NHSL1: variants seen among roughly 807,000 people sequenced by gnomAD.
The protein encoded by NHSL1 is NHS like 1.
Under a neutral mutation model 95.0 loss-of-function variants are expected in NHSL1, and 48 were observed. That is an observed-to-expected ratio of 0.51 (90% CI 0.40 to 0.64). NHSL1 has a LOEUF of 0.64. NHSL1 is among the 30% of genes least tolerant of loss of function. The pLI is 0.00. For synonymous variants in NHSL1, 783 were observed against 833.9 expected, an observed-to-expected ratio of 0.94 and a Z score of 1.05; for missense variants, 1,971 against 2,077.7, an observed-to-expected ratio of 0.95 and a Z score of 1.00.
At chr6:138,557,223 T>C (rs563631642) in intron 1 of NHSL1, among the ~76,000 whole-genome samples, 1 of 152,278 alleles carries the variant, frequency 6.6e-6, no homozygotes, top group South Asian at 2.1e-4. Context: ...GTAAAAAACA[T>C]AGTTACATAT....
At chr6:138,636,102 G>A (rs182721074) in intron 1 of NHSL1, among the ~76,000 whole-genome samples, 122 of 142,704 alleles carry the variant, frequency 8.5e-4, no homozygotes, top group Admixed American at 7.3e-4. Flanking sequence ...CAGCCTGGGC[G>A]ACATAGTGAG....
intron 2 of NHSL1, among the ~76,000 whole-genome samples, chr6:138,481,095 T>C (rs1402538485): frequency 1.3e-5 from 2 of 152,176 alleles, no homozygotes; most frequent in Admixed American, 6.5e-5. Context: ...TACATAAGAC[T>C]ATAAACATTC....
At chr6:138,477,244 A>C (rs138479932) in intron 2 of NHSL1, among the ~76,000 whole-genome samples, 2,143 of 152,334 alleles carry the variant, frequency 0.014, 21 homozygotes, top group Middle Eastern at 0.041. Context: ...GCCCTTTTAA[A>C]CTAAATTAAT....
chr6:138,640,483 C>CCCT (rs1382729877), intron 1 of NHSL1, among the ~76,000 whole-genome samples: 2 of 152,064 alleles, frequency 1.3e-5, no homozygotes, highest in South Asian at 2.1e-4. Flanking sequence ...CAAGACCAAT[C>CCCT]CCTCCTCCTC....
At chr6:138,640,545 T>C (rs1784946203) in intron 1 of NHSL1, among the ~76,000 whole-genome samples, 1 of 152,198 alleles carries the variant, frequency 6.6e-6, no homozygotes, top group East Asian at 1.9e-4. Context: ...ATGATCCACT[T>C]CCACTAATGA....
At chr6:138,655,711 T>A (rs555689204) in intron 1 of NHSL1, among the ~76,000 whole-genome samples, 1 of 152,194 alleles carries the variant, frequency 6.6e-6, no homozygotes, top group East Asian at 1.9e-4. Flanking sequence ...CAAAGCCACA[T>A]GAAGTACTAC....
chr6:138,621,138 A>G (rs1273340021), intron 1 of NHSL1, among the ~76,000 whole-genome samples: 1 of 152,200 alleles, frequency 6.6e-6, no homozygotes, highest in Non-Finnish European at 1.5e-5. Flanking sequence ...TATTAACATT[A>G]GTTGAGAAAC....
Position 138,431,761 on chromosome 6 carries a change from G to A in NHSL1, c.2584C>T (p.Leu862Phe). Residue 862 changes from leucine to phenylalanine, a missense_variant, in exon 6 of 8, where the codon CTC becomes TTC. Physicochemically the swap from Leu to Phe is conservative, Grantham distance 22. Around this residue, in one of 3 missense-constraint regions of NHSL1, gnomAD observed 1,602 missense variants for 1,654.5 expected, o/e 0.97. Coordinates refer to ENST00000343505, the MANE Select transcript of NHSL1 (RefSeq NM_001144060.2). The surrounding 1 kb of genome is among the most constrained non-coding windows in gnomAD (Gnocchi z 4.0). ...YSSQSNTPTA[L>F]TPVPVFLKSV... ...TTTAAAAACACAGGCACAGGGGTGA[G>A]TGCTGTGGGTGTATTCGACTGGCTG... 2 of 1,551,722 alleles carry A rather than the reference G, an allele frequency of 1.3e-6. No individual in the cohort carries two copies. The highest frequency in any genetic ancestry group is 2.4e-5 in the South Asian group (2 of 84,068).
chr6:138,673,817 T>C (rs1418979530), intron 1 of NHSL1, among the ~76,000 whole-genome samples: 3 of 152,242 alleles, frequency 2.0e-5, no homozygotes, highest in Non-Finnish European at 4.4e-5. Context: ...ATTAACATGA[T>C]TTAAAAACAT....
At chr6:138,653,929 AC>A (rs756022749) in intron 1 of NHSL1, among the ~76,000 whole-genome samples, 9 of 152,170 alleles carry the variant, frequency 5.9e-5, no homozygotes, top group Non-Finnish European at 1.3e-4. Context: ...GATTTCACCA[AC>A]CCAGTGATGC....
In NHSL1 at chr6:138,424,886, T is replaced by C. The variant is rs748002719; in HGVS notation, c.4086-70A>G. On this transcript the variant is annotated intron_variant, in intron 7 of 7. Coordinates refer to ENST00000343505, the MANE Select transcript of NHSL1 (RefSeq NM_001144060.2). This position sits in a 1 kb window ranked among gnomAD's most constrained non-coding sequence, Gnocchi z 5.9. ...CACAGGCTGTCAGCCACAACCACTC[T>C]GCTCTTATCGCATCTTCAGGTCACC... 17 of 1,270,432 alleles carry C rather than the reference T, an allele frequency of 1.3e-5. No individual in the cohort carries two copies. Among genetic ancestry groups the C allele is most frequent in the Admixed American group, 7.6e-5 (3 of 39,354 alleles). 78.7% of individuals were successfully genotyped at this position (1,270,432 alleles called of 1,614,324 possible).
At chr6:138,467,444 G>A (rs918351931) in intron 3 of NHSL1, among the ~76,000 whole-genome samples, 35 of 152,248 alleles carry the variant, frequency 2.3e-4, no homozygotes, top group African/African-American at 7.5e-4. Context: ...AAGCCACCAC[G>A]CCCGGCCAGT....
chr6:138,524,819 A>C (rs1397436386), intron 1 of NHSL1, among the ~76,000 whole-genome samples: 1 of 152,202 alleles, frequency 6.6e-6, no homozygotes, highest in African/African-American at 2.4e-5. Context: ...TCCCTAGCAA[A>C]TGGGCACACA....
chr6:138,441,305 G>A (rs1776509517), intron 5 of NHSL1, among the ~76,000 whole-genome samples: 1 of 152,146 alleles, frequency 6.6e-6, no homozygotes, highest in Admixed American at 6.5e-5. Context: ...AAAACAGTGA[G>A]AGGAAGTTAA....
At chr6:138,686,647 G>A (rs1023044103) in intron 1 of NHSL1, among the ~76,000 whole-genome samples, 1 of 152,130 alleles carries the variant, frequency 6.6e-6, no homozygotes, top group African/African-American at 2.4e-5. Context: ...CAAGGTCTCT[G>A]TTTACAGATA....
At chr6:138,585,406 T>C (rs1784120220) in intron 1 of NHSL1, among the ~76,000 whole-genome samples, 1 of 152,208 alleles carries the variant, frequency 6.6e-6, no homozygotes, top group African/African-American at 2.4e-5. Context: ...ATATTTTTCT[T>C]CACTAAAGGA....
At chr6:138,588,463 A>C (rs974376520) in intron 1 of NHSL1, among the ~76,000 whole-genome samples, 2 of 152,230 alleles carry the variant, frequency 1.3e-5, no homozygotes, top group African/African-American at 4.8e-5. Flanking sequence ...CTTCGTCTCA[A>C]AAATAATAAT....
chr6:138,509,482 T>C (rs1051964690), intron 1 of NHSL1, among the ~76,000 whole-genome samples: 1 of 152,198 alleles, frequency 6.6e-6, no homozygotes, highest in East Asian at 1.9e-4. Context: ...AAAGGGATTT[T>C]TTAACGTAGA....
chr6:138,434,390 C>G (rs1775928906), intron 5 of NHSL1, among the ~76,000 whole-genome samples: 1 of 147,724 alleles, frequency 6.8e-6, no homozygotes, highest in Middle Eastern at 3.2e-3. Flanking sequence ...AGTTTTACAA[C>G]CAAACAGAGA....
Sources: allele counts gnomAD v4.1 joint callset (sites outside exome capture counted in the v4.1 genomes callset), GRCh38; gene constraint gnomAD v4.1.1; regional missense constraint gnomAD v4.1.1; non-coding constraint Gnocchi (gnomAD v3.1); transcripts MANE v1.5; gene names NCBI Gene and HGNC (gene_info 2026-07-23, HGNC 2026-07-21).